The following NDUFA11 variants were observed in gnomAD, a reference collection of about 807,000 sequenced individuals.
NDUFA11 encodes the protein NADH dehydrogenase [ubiquinone] 1 alpha subcomplex subunit 11.
A neutral mutation model predicts 11.3 loss-of-function variants in NDUFA11; 14 were observed. The ratio of observed to expected loss-of-function variants is 1.24; its 90% CI spans 0.82 to 1.94. The LOEUF (loss-of-function observed/expected upper bound fraction) is 1.94. Ranked by LOEUF, NDUFA11 falls within the 30% of genes most tolerant of loss-of-function variation. The probability of loss-of-function intolerance (pLI) is 0.00; values close to 1 mark genes in which losing one functional copy is unlikely to be tolerated. For synonymous variants in NDUFA11, 87 were observed against 85.6 expected (o/e 1.02, Z -0.09); for missense variants, 204 against 200.3 (o/e 1.02, Z -0.11).
chr19:5,903,750 G>T lies in NDUFA11; in HGVS notation c.-42C>A, dbSNP rs750563957. 1 of 1,545,042 alleles carries T rather than the reference G, an allele frequency of 6.5e-7. No individual in the cohort carries two copies. Among genetic ancestry groups the T allele is most frequent in the Non-Finnish European group, 8.8e-7 (1 of 1,141,466 alleles). On this transcript the variant is annotated 5_prime_UTR_variant, in exon 1 of 4. Coordinates refer to ENST00000308961, the MANE Select transcript of NDUFA11 (RefSeq NM_175614.5). ...CCCGCACCACGGACCCCGCCAGCTC[G>T]GGAAGCGCAAGGGCAGCCGCGGCTG...
chr19:5,893,325 T>A (rs1333300831), downstream of NDUFA11: 1 of 895,836 alleles, frequency 1.1e-6, no homozygotes, highest in African/African-American at 1.7e-5. The surrounding 1 kb of genome is among the most constrained non-coding windows in gnomAD (Gnocchi z 4.1). Flanking sequence ...ATTAGCTGGC[T>A]GTAGTGGTGC....
chr19:5,894,364 G>A (rs976546450), downstream of NDUFA11, among the ~76,000 whole-genome samples: 15 of 152,334 alleles, frequency 9.8e-5, no homozygotes, highest in Admixed American at 2.6e-4. Context: ...AGCGCTGAGG[G>A]AAGGGCTGTG....
At chr19:5,901,831 G>C (rs1047462880) in intron 1 of NDUFA11, among the ~76,000 whole-genome samples, 15 of 151,764 alleles carry the variant, frequency 9.9e-5, no homozygotes, top group African/African-American at 3.6e-4. Context: ...CACCACGCCC[G>C]GCTAATTTTT....
intron 1 of NDUFA11, among the ~76,000 whole-genome samples, chr19:5,897,641 C>T (rs946655961): frequency 5.9e-5 from 9 of 152,220 alleles, no homozygotes; most frequent in Non-Finnish European, 8.8e-5. Context: ...CACCCAGCCT[C>T]GCCACTCCGG....
downstream of NDUFA11, among the ~76,000 whole-genome samples, chr19:5,894,467 C>T (rs547579440): frequency 1.2e-4 from 18 of 152,322 alleles, no homozygotes; most frequent in South Asian, 3.3e-3. Context: ...GGGGCGCATC[C>T]CAGCCGTCTC....
At chr19:5,900,940 A>G (rs1158956563) in intron 1 of NDUFA11, among the ~76,000 whole-genome samples, 1 of 151,908 alleles carries the variant, frequency 6.6e-6, no homozygotes, top group Non-Finnish European at 1.5e-5. Flanking sequence ...AAAAAGAAAA[A>G]AGAAAAATTT....
At chr19:5,894,645 C>T (rs1015343142), downstream of NDUFA11, 33 of 1,547,740 alleles carry the variant, frequency 2.1e-5, no homozygotes, top group Middle Eastern at 5.1e-4. Context: ...GCTGCTGTGT[C>T]GCCGTCATCA....
At position 5,901,220 on chromosome 19, in the gene NDUFA11, A is replaced by G. The variant is rs2057643416; in HGVS notation, c.97+2392T>C. 6.1e-6 allele frequency: 6 copies of G among 986,440 alleles called. No individual in the cohort carries two copies. The African/African-American group carries it at 8.5e-5, about 14-fold the overall frequency. 61.1% of individuals were successfully genotyped at this position (986,440 alleles called of 1,614,324 possible). On this transcript the variant is annotated intron_variant, in intron 1 of 3. Transcript: ENST00000308961. ...CCCACTCATTTTGTATTCACACATG[A>G]GGAATGCACACACTCTCTCACATGA...
downstream of NDUFA11, chr19:5,894,664 G>A (rs550924988): frequency 4.9e-5 from 76 of 1,560,718 alleles, no homozygotes; most frequent in East Asian, 1.1e-3. Context: ...CAAGCCCTCC[G>A]GACACTGACA....
chr19:5,897,070 G>A, intron 1 of NDUFA11, 73 bp from the exon 2 acceptor site: 1 of 1,234,536 alleles, frequency 8.1e-7, no homozygotes, highest in Non-Finnish European at 1.2e-6. Context: ...CACCCCACTG[G>A]GTGGTCTCCC....
intron 1 of NDUFA11, among the ~76,000 whole-genome samples, chr19:5,903,099 C>T (rs567448183): frequency 1.5e-4 from 23 of 152,024 alleles, no homozygotes; most frequent in African/African-American, 5.1e-4. Context: ...TCCTGATCCA[C>T]CTCACCTAGG....
chr19:5,903,025 AAAAG>A (rs1440635562), intron 1 of NDUFA11, among the ~76,000 whole-genome samples: 4 of 149,372 alleles, frequency 2.7e-5, no homozygotes, highest in Admixed American at 6.7e-5. Context: ...AAAAAAAAAA[AAAAG>A]GAGAATGCCA....
intron 1 of NDUFA11, chr19:5,902,296 C>T (rs544254518): frequency 3.9e-5 from 6 of 152,324 alleles, no homozygotes; most frequent in Admixed American, 3.3e-4. Context: ...CAAGGTCTCG[C>T]TCTGTCGCCC....
Position 5,896,679 on chromosome 19 carries a change from C to G in NDUFA11, c.191-104G>C. 1 of 1,518,164 alleles carries G rather than the reference C, an allele frequency of 6.6e-7. No individual in the cohort carries two copies. The highest frequency in any genetic ancestry group is 8.9e-7 in the Non-Finnish European group (1 of 1,120,684). The allele number at this position is 1,518,164 out of a possible 1,614,324, so 94.0% of individuals were successfully genotyped here. On this transcript the variant is annotated intron_variant, in intron 2 of 3. Coordinates refer to ENST00000308961, the MANE Select transcript of NDUFA11 (RefSeq NM_175614.5). This position sits in a 1 kb window ranked among gnomAD's most constrained non-coding sequence, Gnocchi z 5.8. ...GATGGAGAGAGATGCCACGAGTCGG[C>G]TGCTCGCTGTGCATGGCAGCCTCCT...
At position 5,896,291 on chromosome 19, in the gene NDUFA11, A is replaced by AAGC. The variant is rs1054026135; in HGVS notation, c.313+159_313+161dup. Reference sequence around the variant, plus strand: ...TCAGGGAGGGCCACAGTAGGTGCTTAAGCAGCAGCAGCAGCTGTCGCTATG... The same window carrying AAGC: ...TCAGGGAGGGCCACAGTAGGTGCTTAAGCAGCAGCAGCAGCAGCTGTCGCTATG... On this transcript the variant is annotated intron_variant, in intron 3 of 3. Transcript: ENST00000308961. This position sits in a 1 kb window ranked among gnomAD's most constrained non-coding sequence, Gnocchi z 5.8. 8 of 834,958 alleles carry AAGC rather than the reference A, an allele frequency of 9.6e-6. No individual in the cohort carries two copies. The highest frequency in any genetic ancestry group is 3.4e-5 in the South Asian group (2 of 59,588). 51.7% of individuals were successfully genotyped at this position (834,958 alleles called of 1,614,324 possible).
At chr19:5,894,671 GAC>G (rs755637853), downstream of NDUFA11, 370 of 1,567,774 alleles carry the variant, frequency 2.4e-4, no homozygotes, top group Middle Eastern at 4.5e-3. Flanking sequence ...TCCGGACACT[GAC>G]ACACACACAG....
At chr19:5,897,914 G>A (rs1353470870) in intron 1 of NDUFA11, among the ~76,000 whole-genome samples, 1 of 152,166 alleles carries the variant, frequency 6.6e-6, no homozygotes, top group Non-Finnish European at 1.5e-5. Context: ...GAGCCAGCCC[G>A]AGCCGGGGCT....
chr19:5,898,889 A>AG, intron 1 of NDUFA11, among the ~76,000 whole-genome samples: 1 of 151,276 alleles, frequency 6.6e-6, no homozygotes, highest in East Asian at 1.9e-4. Flanking sequence ...AAAAAAAAAA[A>AG]AAAAAAAGAA....
At chr19:5,893,841 C>T (rs1422438060), downstream of NDUFA11, among the ~76,000 whole-genome samples, 1 of 152,220 alleles carries the variant, frequency 6.6e-6, no homozygotes, top group Admixed American at 6.5e-5. This position sits in a 1 kb window ranked among gnomAD's most constrained non-coding sequence, Gnocchi z 4.1. Context: ...AGGGCCATAG[C>T]CAGCCCTGCC....
Sources: allele counts gnomAD v4.1 joint callset (sites outside exome capture counted in the v4.1 genomes callset), GRCh38; gene constraint gnomAD v4.1.1; non-coding constraint Gnocchi (gnomAD v3.1); transcripts MANE v1.5; gene names NCBI Gene and HGNC (gene_info 2026-07-23, HGNC 2026-07-21).